Variants in DNMBP observed in about 807,000 individuals in gnomAD.
The protein encoded by DNMBP is dynamin binding protein, also known as dynamin-binding protein.
In DNMBP, 87 loss-of-function variants were observed where a neutral mutation model predicts 150.0. That is an observed-to-expected ratio of 0.58 (90% CI 0.49 to 0.69). The LOEUF (loss-of-function observed/expected upper bound fraction) is 0.69. Among genes scored for constraint, DNMBP ranks in the 30% least tolerant of loss-of-function variants. The pLI, the probability that DNMBP is intolerant of heterozygous loss-of-function variation, is 0.00. For missense variants in DNMBP, 1,774 were observed against 1,949.0 expected, an observed-to-expected ratio of 0.91 and a Z score of 1.69; for synonymous variants, 711 against 750.4, an observed-to-expected ratio of 0.95 and a Z score of 0.86.
Position 99,888,907 on chromosome 10 carries a change from A to C in DNMBP, c.3203T>G (p.Val1068Gly), listed in dbSNP as rs1365841054. The C allele has an allele frequency of 8.1e-6, 13 of 1,614,194 alleles. No homozygotes were observed. The East Asian group carries it at 2.9e-4, about 36-fold the overall frequency. The change falls in exon 12 of 17, where the codon GTG becomes GGG. Residue 1068 changes from valine (V) to glycine (G), a missense_variant. Val to Gly is a moderately radical substitution (Grantham distance 109). Coordinates refer to ENST00000324109, the MANE Select transcript of DNMBP (RefSeq NM_015221.4). Reference protein sequence around the residue: ...KVVAAVSMWDVCMERGHRDLE... With the variant: ...KVVAAVSMWDGCMERGHRDLE... ...GTCCCGGTGTCCTCTCTCCATGCAC[A>C]CATCCCACATGCTCACAGCAGCCAC...
rs113552915 is a variant in DNMBP at position 100,005,616 on chromosome 10, G to A, written c.-11+4222C>T. Among the ~76,000 whole-genome samples, 521 of 151,962 alleles carry A rather than the reference G, an allele frequency of 3.4e-3. 5 individuals carry two copies. Among genetic ancestry groups the A allele is most frequent in the African/African-American group, 0.012 (505 of 41,434 alleles). On this transcript the variant is annotated intron_variant, in intron 1 of 16. Coordinates refer to ENST00000324109, the MANE Select transcript of DNMBP (RefSeq NM_015221.4). ...TAAAATACAAAAAAATTAGCTGGGC[G>A]TGGTGGCGCATGACTGTAATTCCAG...
chr10:99,991,329 G>A (rs1210292743), intron 1 of DNMBP, among the ~76,000 whole-genome samples: 1 of 151,742 alleles, frequency 6.6e-6, no homozygotes, highest in Non-Finnish European at 1.5e-5. Context: ...TGCCCACCTC[G>A]GCCTCCCAAA....
At chr10:99,933,229 A>T (rs1036963331) in intron 4 of DNMBP, among the ~76,000 whole-genome samples, 1 of 151,322 alleles carries the variant, frequency 6.6e-6, no homozygotes, top group African/African-American at 2.4e-5. Context: ...CTGGGAGGTC[A>T]AGGCTACAAT....
chr10:99,991,948 G>A (rs552511946), intron 1 of DNMBP, among the ~76,000 whole-genome samples: 2 of 147,984 alleles, frequency 1.4e-5, no homozygotes, highest in Admixed American at 1.4e-4. Context: ...TAGAGCGTAT[G>A]TAAGTTAAGC....
At chr10:99,914,092 C>T (rs1029799055) in intron 4 of DNMBP, 14 of 1,393,842 alleles carry the variant, frequency 1.0e-5, no homozygotes, top group Middle Eastern at 1.9e-4. Context: ...CCAGGCTTCC[C>T]ACATTTACAT....
intron 1 of DNMBP, among the ~76,000 whole-genome samples, chr10:99,981,184 G>T (rs913577628): frequency 5.3e-5 from 8 of 151,950 alleles, no homozygotes; most frequent in African/African-American, 1.7e-4. Flanking sequence ...ACTCAGTAAT[G>T]TTTATTTTAT....
At chr10:99,906,939 T>A (rs2039833504) in intron 6 of DNMBP, among the ~76,000 whole-genome samples, 1 of 152,256 alleles carries the variant, frequency 6.6e-6, no homozygotes, top group African/African-American at 2.4e-5. Flanking sequence ...ACTAGATGAA[T>A]GTTTTAAAAA....
intron 3 of DNMBP, among the ~76,000 whole-genome samples, chr10:99,963,191 C>T (rs1040792635): frequency 4.6e-5 from 7 of 151,828 alleles, no homozygotes; most frequent in Non-Finnish European, 7.4e-5. Flanking sequence ...GCCTCAGCCT[C>T]CTGAGTAGCT....
At position 99,877,256 on chromosome 10, in the gene DNMBP, G is replaced by C; in HGVS notation, c.4629C>G (p.Leu1543=). The C allele has an allele frequency of 6.2e-7, 1 of 1,613,944 alleles. No individual in the cohort carries two copies. Among genetic ancestry groups the C allele is most frequent in the Non-Finnish European group, 8.5e-7 (1 of 1,179,952 alleles). Residue 1543 remains leucine (L), a synonymous_variant, in exon 17 of 17, where the codon CTC becomes CTG. Transcript: ENST00000324109. The stretch of plus-strand genomic sequence containing the variant: ...TATTTCCTGTAACATCTTTAAACTC[G>C]AGGATCTTGAGTTTCTGATTGGCTG... ...SVSANQKLKI[L]EFKDVTGNTE...
intron 4 of DNMBP, among the ~76,000 whole-genome samples, chr10:99,933,265 C>T (rs933090751): frequency 3.3e-5 from 5 of 151,068 alleles, no homozygotes; most frequent in African/African-American, 9.8e-5. Flanking sequence ...CACTGCCCTC[C>T]AGCCTGGGTA....
chr10:99,919,476 G>C (rs2133263848), intron 4 of DNMBP, among the ~76,000 whole-genome samples: 1 of 152,184 alleles, frequency 6.6e-6, no homozygotes, highest in African/African-American at 2.4e-5. Flanking sequence ...AAAATCAGTT[G>C]ATCTAAATTA....
At position 99,896,284 on chromosome 10, in the gene DNMBP, T is replaced by C; in HGVS notation, c.3034A>G (p.Thr1012Ala). 1.9e-6 allele frequency: 3 copies of C among 1,612,424 alleles called. No homozygotes were observed. Among genetic ancestry groups the C allele is most frequent in the South Asian group, 1.1e-5 (1 of 91,030 alleles). Residue 1012 changes from threonine (T) to alanine (A), a missense_variant, in exon 10 of 17, where the codon ACT (threonine) becomes GCT (alanine). Around this residue, in one of 2 missense-constraint regions of DNMBP, gnomAD observed 1,430 missense variants for 1,492.5 expected, o/e 0.96. Transcript: ENST00000324109. ...NRVSSHLKHL[T>A]GFAPQIKDEV... ...GATCTCACCTGAGGAGCAAAGCCAG[T>C]GAGATGCTTCAGGTGACTGCTAACT...
intron 4 of DNMBP, among the ~76,000 whole-genome samples, chr10:99,921,205 A>C (rs908796722): frequency 6.6e-6 from 1 of 152,220 alleles, no homozygotes; most frequent in African/African-American, 2.4e-5. Context: ...TGAACAGGAC[A>C]AGCCTAGCTT....
At chr10:99,964,497 G>GTT (rs560646609) in intron 3 of DNMBP, among the ~76,000 whole-genome samples, 1 of 145,760 alleles carries the variant, frequency 6.9e-6, no homozygotes, top group African/African-American at 2.5e-5. Flanking sequence ...TCCTGTTTTT[G>GTT]TTTTTTTTTT....
At chr10:100,009,740 T>C (rs1480560586) in intron 1 of DNMBP, 98 bp downstream of exon 1, 2 of 150,106 alleles carry the variant, frequency 1.3e-5, no homozygotes, top group Non-Finnish European at 3.0e-5. Context: ...GCGCGGCGCG[T>C]CTCTCGGGGT....
rs1425002711 is a variant in DNMBP, at chr10:99,892,002, G to A, written c.3156+2944C>T. On this transcript the variant is annotated intron_variant, in intron 11 of 16. Transcript: ENST00000324109. ...CCGGCCGCCCCTACTGGGAAGTGAGGAGCCCCTCTGCCCGGCCAGCCGCCC... is the reference window on the plus strand; with the variant it reads ...CCGGCCGCCCCTACTGGGAAGTGAGAAGCCCCTCTGCCCGGCCAGCCGCCC... Among the ~76,000 whole-genome samples, 82 of 143,098 alleles carry A rather than the reference G, an allele frequency of 5.7e-4. 2 individuals carry two copies. Among genetic ancestry groups the A allele is most frequent in the African/African-American group, 2.2e-3 (80 of 35,926 alleles). The allele number at this position is 143,098 out of a possible 152,430, so 93.9% of individuals were successfully genotyped here. A position where few individuals can be genotyped will look rare whatever the true frequency, so the allele number is the denominator to read the frequency against.
intron 1 of DNMBP, among the ~76,000 whole-genome samples, chr10:100,005,590 C>T (rs950587464): frequency 6.6e-6 from 1 of 151,912 alleles, no homozygotes; most frequent in Non-Finnish European, 1.5e-5. Context: ...CCCGTCTCTA[C>T]TAAAATACAA....
At chr10:99,898,552 G>A (rs1280601177) in intron 8 of DNMBP, among the ~76,000 whole-genome samples, 191 bp downstream of exon 8, 1 of 152,106 alleles carries the variant, frequency 6.6e-6, no homozygotes, top group African/African-American at 2.4e-5. Context: ...CCCTGTCCTG[G>A]TAGGAGAAGA....
intron 4 of DNMBP, among the ~76,000 whole-genome samples, chr10:99,951,807 G>A: frequency 6.6e-6 from 1 of 152,340 alleles, no homozygotes; most frequent in East Asian, 1.9e-4. Context: ...TCTCAGATGA[G>A]ACGTCGAACT....
Sources: allele counts gnomAD v4.1 joint callset (sites outside exome capture counted in the v4.1 genomes callset), GRCh38; gene constraint gnomAD v4.1.1; regional missense constraint gnomAD v4.1.1; transcripts MANE v1.5; gene names NCBI Gene and HGNC (gene_info 2026-07-23, HGNC 2026-07-21).